NRXN3: variants seen among roughly 807,000 people sequenced by gnomAD.
NRXN3 encodes the protein neurexin III.
NRXN3 carries 32 observed loss-of-function variants against 137.6 expected under a neutral mutation model. That is an observed-to-expected ratio of 0.23 (90% confidence interval 0.18 to 0.31). The LOEUF (loss-of-function observed/expected upper bound fraction) is 0.31. NRXN3 is among the 10% of genes least tolerant of loss of function. The pLI, the probability that NRXN3 is intolerant of heterozygous loss-of-function variation, is 1.00. For missense variants in NRXN3, 1,574 were observed against 2,062.5 expected (o/e 0.76, Z 4.59); for synonymous variants, 798 against 784.5 (o/e 1.02, Z -0.29).
At chr14:79,676,242 G>T (rs1053064614) in intron 17 of NRXN3, among the ~76,000 whole-genome samples, 24 of 151,990 alleles carry the variant, frequency 1.6e-4, no homozygotes, top group African/African-American at 5.3e-4. Context: ...TTTAGAATCA[G>T]ATCCCCTATT....
intron 4 of NRXN3, among the ~76,000 whole-genome samples, chr14:78,622,748 T>C (rs1289800100): frequency 6.6e-6 from 1 of 152,258 alleles, no homozygotes; most frequent in Admixed American, 6.5e-5. Flanking sequence ...AAACCATTTG[T>C]TGGCAAGATC....
intron 2 of NRXN3, among the ~76,000 whole-genome samples, chr14:78,245,242 T>A (rs1164718144): frequency 6.6e-6 from 1 of 152,212 alleles, no homozygotes; most frequent in Non-Finnish European, 1.5e-5. Context: ...GTTCTCAATT[T>A]AGCTGCATGT....
chr14:78,519,419 A>G (rs1320929230), intron 4 of NRXN3, among the ~76,000 whole-genome samples: 1 of 152,188 alleles, frequency 6.6e-6, no homozygotes, highest in African/African-American at 2.4e-5. Flanking sequence ...ATGGATACTT[A>G]CATTCTCTGC....
intron 15 of NRXN3, among the ~76,000 whole-genome samples, chr14:79,383,075 G>A (rs958036063): frequency 2.6e-5 from 4 of 152,066 alleles, no homozygotes; most frequent in Non-Finnish European, 5.9e-5. Context: ...CCTGAGTTCT[G>A]TAGATTTTGG....
At chr14:78,880,398 C>G (rs2099125692) in intron 10 of NRXN3, among the ~76,000 whole-genome samples, 1 of 152,034 alleles carries the variant, frequency 6.6e-6, no homozygotes, top group Non-Finnish European at 1.5e-5. Context: ...TTTATTGGAA[C>G]AAAGAGCCAG....
At chr14:79,513,972 C>T (rs564741289) in intron 16 of NRXN3, among the ~76,000 whole-genome samples, 48 of 152,118 alleles carry the variant, frequency 3.2e-4, no homozygotes, top group African/African-American at 1.2e-3. Flanking sequence ...TATACACAAT[C>T]GTAAAGCAAT....
intron 19 of NRXN3, among the ~76,000 whole-genome samples, chr14:79,713,088 A>C (rs190100788): frequency 1.3e-5 from 2 of 151,168 alleles, no homozygotes; most frequent in East Asian, 1.9e-4. Context: ...CATCCGTCCA[A>C]TGTTTTTGGG....
At chr14:78,663,624 C>T (rs894901758) in intron 6 of NRXN3, among the ~76,000 whole-genome samples, 1 of 152,180 alleles carries the variant, frequency 6.6e-6, no homozygotes, top group Non-Finnish European at 1.5e-5. Flanking sequence ...GCCTTCAAAA[C>T]ACCCAAATAA....
intron 8 of NRXN3, among the ~76,000 whole-genome samples, chr14:78,787,977 T>A (rs1291848930): frequency 1.3e-5 from 2 of 152,188 alleles, no homozygotes; most frequent in Non-Finnish European, 2.9e-5. Context: ...AACAAAGAAT[T>A]GTAATTAACC....
chr14:79,838,092 TA>T (rs1812896647), intron 20 of NRXN3, among the ~76,000 whole-genome samples: 1 of 141,152 alleles, frequency 7.1e-6, no homozygotes, highest in Admixed American at 7.0e-5. Flanking sequence ...TATACAGTGT[TA>T]AAAACTCAGC....
chr14:78,654,833 G>T (rs1010558311), intron 6 of NRXN3, among the ~76,000 whole-genome samples: 3 of 152,168 alleles, frequency 2.0e-5, no homozygotes, highest in Non-Finnish European at 4.4e-5. Flanking sequence ...GAAATCACAT[G>T]ATTGTACATT....
intron 15 of NRXN3, among the ~76,000 whole-genome samples, chr14:79,155,329 A>G (rs981894045): frequency 3.3e-5 from 5 of 151,928 alleles, no homozygotes; most frequent in Non-Finnish European, 7.4e-5. Flanking sequence ...TAAAATGTAG[A>G]TTATATAAGA....
At chr14:79,080,094 A>C (rs2046678065) in intron 15 of NRXN3, among the ~76,000 whole-genome samples, 1 of 152,162 alleles carries the variant, frequency 6.6e-6, no homozygotes. Flanking sequence ...GAACAGTGGA[A>C]CCTCTTCCTA....
At chr14:79,711,543 C>T (rs1439297180) in intron 19 of NRXN3, among the ~76,000 whole-genome samples, 3 of 151,990 alleles carry the variant, frequency 2.0e-5, no homozygotes, top group Middle Eastern at 3.2e-3. Context: ...TGGTCTCAAA[C>T]TCCTGGGCTC....
intron 15 of NRXN3, among the ~76,000 whole-genome samples, chr14:79,396,990 T>C (rs2167151): frequency 0.37 from 56,052 of 151,922 alleles, 10,548 homozygotes; most frequent in African/African-American, 0.41. Flanking sequence ...AGTATAATGC[T>C]AAAGGAAAAG....
At chr14:79,348,961 T>C (rs1478437642) in intron 15 of NRXN3, among the ~76,000 whole-genome samples, 5 of 152,236 alleles carry the variant, frequency 3.3e-5, no homozygotes, top group African/African-American at 1.2e-4. Flanking sequence ...ATGCTGCCTT[T>C]AATTTAATTG....
rs200845960 is a variant in NRXN3 at position 79,565,266 on chromosome 14, T to C, written c.3444+97864T>C. 0.017 allele frequency among the ~76,000 whole-genome samples: 6 copies of C among 362 alleles called. No homozygotes were observed. In the South Asian group the frequency reaches 0.33, roughly 20 times the overall value. 0.2% of individuals were successfully genotyped at this position (362 alleles called of 152,430 possible). A position where few individuals can be genotyped will look rare whatever the true frequency, so the allele number is the denominator to read the frequency against. ...GTGTGTGTATATATACATATACACA[T>C]GTGTGTGTGTATACATATACGCACA... On this transcript the variant is annotated intron_variant, in intron 16 of 20. Coordinates refer to ENST00000335750, the MANE Select transcript of NRXN3 (RefSeq NM_001330195.2).
rs892362961 is a variant in NRXN3 at position 79,764,160 on chromosome 14, G to T, written c.4015-40952G>T. ...GTTACTGGTTTTTCTTTTTCTTTTG[G>T]TGGGTGGGGGGGGTGTTAAGATCTT... On this transcript the variant is annotated intron_variant, in intron 19 of 20. Transcript: ENST00000335750. 4.8e-4 allele frequency among the ~76,000 whole-genome samples: 42 copies of T among 87,442 alleles called. 1 individual carries two copies. Among genetic ancestry groups the T allele is most frequent in the African/African-American group, 2.0e-3 (37 of 18,256 alleles). The allele number at this position is 87,442 out of a possible 152,430, so 57.4% of individuals were successfully genotyped here.
At chr14:79,098,909 A>G (rs1291348324) in intron 15 of NRXN3, among the ~76,000 whole-genome samples, 2 of 152,158 alleles carry the variant, frequency 1.3e-5, no homozygotes, top group Non-Finnish European at 2.9e-5. Context: ...TATCCCACCC[A>G]ACCTCCAGTA....
Sources: allele counts gnomAD v4.1 joint callset (sites outside exome capture counted in the v4.1 genomes callset), GRCh38; gene constraint gnomAD v4.1.1; transcripts MANE v1.5; gene names NCBI Gene and HGNC (gene_info 2026-07-23, HGNC 2026-07-21).